Variants in TTC29 observed in about 807,000 individuals in gnomAD.
TTC29 encodes the protein tetratricopeptide repeat protein 29.
A neutral mutation model predicts 58.1 loss-of-function variants in TTC29; 49 were observed. That is an observed-to-expected ratio of 0.84 (90% CI 0.67 to 1.07). TTC29 has a LOEUF of 1.07. Ranked by LOEUF, TTC29 falls within the 50% of genes least tolerant of loss-of-function variation. The pLI is 0.00. For synonymous variants in TTC29, 209 were observed against 196.8 expected, an observed-to-expected ratio of 1.06 and a Z score of -0.52; for missense variants, 582 against 555.6, an observed-to-expected ratio of 1.05 and a Z score of -0.48.
At chr4:146,754,905 A>T (rs1014893618) in intron 11 of TTC29, among the ~76,000 whole-genome samples, 1 of 152,102 alleles carries the variant, frequency 6.6e-6, no homozygotes, top group Non-Finnish European at 1.5e-5. Context: ...AGCAAGATTA[A>T]TCAGAAAAGA....
chr4:146,775,149 T>C (rs1254179862), intron 11 of TTC29, among the ~76,000 whole-genome samples: 3 of 152,220 alleles, frequency 2.0e-5, no homozygotes, highest in African/African-American at 4.8e-5. Context: ...TCATTGCATG[T>C]GAGATGGATC....
At chr4:146,708,499 G>T (rs995598811) in intron 11 of TTC29, among the ~76,000 whole-genome samples, 3 of 150,208 alleles carry the variant, frequency 2.0e-5, no homozygotes, top group Non-Finnish European at 4.4e-5. Flanking sequence ...GTGTATATAT[G>T]ACTTCATTTA....
At chr4:146,787,319 C>G (rs1395938632) in intron 11 of TTC29, among the ~76,000 whole-genome samples, 3 of 152,064 alleles carry the variant, frequency 2.0e-5, no homozygotes, top group African/African-American at 4.8e-5. Context: ...ACATCATGCT[C>G]AATAGGTAAT....
chr4:146,941,034 G>A (rs1736341194), intron 2 of TTC29, among the ~76,000 whole-genome samples: 1 of 152,172 alleles, frequency 6.6e-6, no homozygotes, highest in Admixed American at 6.5e-5. Context: ...CAATTAGGAA[G>A]GCAAGTCTAT....
Position 146,942,602 on chromosome 4 carries a change from A to G in TTC29, c.-7+2429T>C, listed in dbSNP as rs1304446710. On this transcript the variant is annotated intron_variant, in intron 2 of 12. Coordinates refer to ENST00000325106, the MANE Select transcript of TTC29 (RefSeq NM_031956.4). ...AGCTTACTTCAGAGGAGCTGTGAAG[A>G]CTTTTCCACAGAGTTCCAGAGTCTT... 2.6e-6 allele frequency: 4 copies of G among 1,533,630 alleles called. No individual in the cohort carries two copies. The African/African-American group carries it at 4.1e-5, about 16-fold the overall frequency.
At chr4:146,844,320 A>G (rs539226931) in intron 8 of TTC29, among the ~76,000 whole-genome samples, 1 of 152,300 alleles carries the variant, frequency 6.6e-6, no homozygotes, top group South Asian at 2.1e-4. Context: ...GTAAATTGGA[A>G]CATACAGCTC....
chr4:146,744,368 TAAAAG>T (rs548113386), intron 11 of TTC29, among the ~76,000 whole-genome samples: 114 of 149,894 alleles, frequency 7.6e-4, no homozygotes, highest in Non-Finnish European at 1.4e-3. Context: ...CCCCATCTCT[TAAAAG>T]AGAGAGAGAG....
chr4:146,937,560 T>G (rs375038735), intron 4 of TTC29, 34 bp downstream of exon 4: 25 of 1,317,074 alleles, frequency 1.9e-5, no homozygotes, highest in Non-Finnish European at 2.6e-5. Flanking sequence ...AGAAACAAAC[T>G]TTATATTAAA....
intron 6 of TTC29, among the ~76,000 whole-genome samples, chr4:146,898,322 C>T (rs1732913377): frequency 6.6e-6 from 1 of 152,146 alleles, no homozygotes; most frequent in Admixed American, 6.5e-5. Context: ...GTAGTTATTT[C>T]AATGTGTCTT....
intron 4 of TTC29, among the ~76,000 whole-genome samples, chr4:146,922,666 C>T (rs1452277060): frequency 2.0e-5 from 3 of 151,696 alleles, no homozygotes; most frequent in East Asian, 1.9e-4. Context: ...GTTTAATTAA[C>T]ATGCTGAAGA....
At chr4:146,739,496 C>G (rs887438325) in intron 11 of TTC29, among the ~76,000 whole-genome samples, 2 of 152,150 alleles carry the variant, frequency 1.3e-5, no homozygotes, top group Non-Finnish European at 2.9e-5. Flanking sequence ...TTGTAAAAAT[C>G]CTTGAACTTA....
intron 8 of TTC29, among the ~76,000 whole-genome samples, chr4:146,861,508 G>C (rs544172299): frequency 1.3e-5 from 2 of 152,210 alleles, no homozygotes; most frequent in South Asian, 4.1e-4. Flanking sequence ...TTCCTTACTA[G>C]TAGGTGTTTC....
intron 11 of TTC29, among the ~76,000 whole-genome samples, chr4:146,791,837 G>A (rs911984727): frequency 5.3e-5 from 8 of 152,270 alleles, no homozygotes; most frequent in African/African-American, 1.7e-4. Flanking sequence ...CAGCTGTATT[G>A]CTGATATGGA....
At chr4:146,926,621 C>G (rs928682845) in intron 4 of TTC29, among the ~76,000 whole-genome samples, 3 of 152,020 alleles carry the variant, frequency 2.0e-5, no homozygotes, top group African/African-American at 7.2e-5. Context: ...TGCCACCATG[C>G]CTGGCTAATT....
chr4:146,855,429 TCAAA>T (rs1044368253), intron 8 of TTC29, among the ~76,000 whole-genome samples: 7 of 152,240 alleles, frequency 4.6e-5, no homozygotes, highest in South Asian at 2.1e-4. Flanking sequence ...AGAATCCATC[TCAAA>T]CAAACAAACA....
intron 11 of TTC29, among the ~76,000 whole-genome samples, chr4:146,708,980 C>T (rs1407590630): frequency 6.6e-6 from 1 of 152,040 alleles, no homozygotes; most frequent in Non-Finnish European, 1.5e-5. Flanking sequence ...CTTGCCCTTC[C>T]TCTTTCCCTT....
intron 11 of TTC29, among the ~76,000 whole-genome samples, chr4:146,790,958 C>T (rs1749405933): frequency 6.6e-6 from 1 of 152,148 alleles, no homozygotes; most frequent in Admixed American, 6.5e-5. Context: ...ATTTGCAGCC[C>T]ATAGTTTTAT....
chr4:146,794,001 T>C (rs570446989), intron 11 of TTC29, among the ~76,000 whole-genome samples: 2 of 152,314 alleles, frequency 1.3e-5, no homozygotes. Flanking sequence ...TAATTAGTCA[T>C]ATAATTGTGT....
chr4:146,856,119 G>A (rs1351234630), intron 8 of TTC29, among the ~76,000 whole-genome samples: 1 of 152,102 alleles, frequency 6.6e-6, no homozygotes. Context: ...TAGTATAGTT[G>A]ATTAGAGTAC....
Sources: gnomAD v4.1 joint callset for allele counts (sites outside exome capture counted in the v4.1 genomes callset) on GRCh38, gnomAD v4.1.1 for gene constraint, MANE v1.5 for transcripts, NCBI Gene and HGNC (gene_info 2026-07-23, HGNC 2026-07-21) for gene names.